Variants in DGKI observed in about 807,000 individuals in gnomAD.
DGKI encodes DAG kinase iota.
In DGKI, 55 loss-of-function variants were observed where a neutral mutation model predicts 147.5. The ratio of observed to expected loss-of-function variants is 0.37; its 90% confidence interval spans 0.30 to 0.47. The LOEUF is 0.47. DGKI is among the 20% of genes least tolerant of loss of function. The pLI is 1.00. For missense variants in DGKI, 1,007 were observed against 1,323.8 expected, an observed-to-expected ratio of 0.76 and a Z score of 3.71; for synonymous variants, 469 against 477.1, an observed-to-expected ratio of 0.98 and a Z score of 0.22.
intron 5 of DGKI, among the ~76,000 whole-genome samples, chr7:137,652,863 C>T (rs893511348): frequency 1.3e-5 from 2 of 152,226 alleles, no homozygotes; most frequent in South Asian, 4.1e-4. Context: ...CCACTCTCCA[C>T]GTTCATCTAT....
intron 12 of DGKI, among the ~76,000 whole-genome samples, chr7:137,590,867 A>AT (rs1819584711): frequency 1.3e-5 from 2 of 152,046 alleles, no homozygotes; most frequent in Non-Finnish European, 1.5e-5. Context: ...TAATTTTTGC[A>AT]TTTTTTGTAG....
At chr7:137,719,924 C>T (rs1794494193) in intron 1 of DGKI, among the ~76,000 whole-genome samples, 2 of 152,126 alleles carry the variant, frequency 1.3e-5, no homozygotes, top group Non-Finnish European at 2.9e-5. Flanking sequence ...CATGGCTGCA[C>T]AGATAAGTGA....
chr7:137,601,581 A>C (rs1353090826), intron 10 of DGKI, among the ~76,000 whole-genome samples: 3 of 152,262 alleles, frequency 2.0e-5, no homozygotes, highest in Non-Finnish European at 4.4e-5. Flanking sequence ...ATAACCTTGC[A>C]GAAATGCAGT....
At chr7:137,391,494 T>C (rs931314264) in intron 32 of DGKI, among the ~76,000 whole-genome samples, 158 bp from the exon 33 acceptor site, 1 of 152,220 alleles carries the variant, frequency 6.6e-6, no homozygotes, top group African/African-American at 2.4e-5. Context: ...TTTGGTGTTT[T>C]AGAGTTTACA....
intron 19 of DGKI, among the ~76,000 whole-genome samples, chr7:137,554,002 GTAGTC>G (rs1818136786): frequency 6.6e-6 from 1 of 152,128 alleles, no homozygotes; most frequent in African/African-American, 2.4e-5. Flanking sequence ...GTCATACACA[GTAGTC>G]TAGACCACTT....
chr7:137,784,497 A>G (rs1563196581), intron 1 of DGKI, among the ~76,000 whole-genome samples: 1 of 152,148 alleles, frequency 6.6e-6, no homozygotes, highest in Non-Finnish European at 1.5e-5. Context: ...GACCTAAGAA[A>G]TGAGATAGAT....
At chr7:137,688,889 C>T (rs1422802436) in intron 2 of DGKI, among the ~76,000 whole-genome samples, 1 of 152,112 alleles carries the variant, frequency 6.6e-6, no homozygotes, top group Non-Finnish European at 1.5e-5. Flanking sequence ...AATATCTCCA[C>T]CAAGGGAGAA....
At chr7:137,613,433 T>C (rs1486191118) in intron 8 of DGKI, among the ~76,000 whole-genome samples, 1 of 152,076 alleles carries the variant, frequency 6.6e-6, no homozygotes, top group Non-Finnish European at 1.5e-5. Context: ...CCAGGCCTAT[T>C]TGACTAAATC....
At chr7:137,425,303 C>G (rs1035778681) in intron 28 of DGKI, among the ~76,000 whole-genome samples, 2 of 152,200 alleles carry the variant, frequency 1.3e-5, no homozygotes, top group Non-Finnish European at 2.9e-5. Context: ...TGGAGTGGAC[C>G]TCTAGCAAAC....
chr7:137,411,637 C>T (rs1031714456), intron 29 of DGKI, among the ~76,000 whole-genome samples: 4 of 152,090 alleles, frequency 2.6e-5, no homozygotes, highest in African/African-American at 9.7e-5. Flanking sequence ...TTACATTCAC[C>T]CTCAGGGCAG....
At chr7:137,396,899 A>G (rs1811574659) in intron 31 of DGKI, among the ~76,000 whole-genome samples, 1 of 152,240 alleles carries the variant, frequency 6.6e-6, no homozygotes, top group Admixed American at 6.5e-5. Flanking sequence ...AAGACAGAAA[A>G]TAGAGTGACT....
At chr7:137,448,019 T>G (rs763469236) in intron 27 of DGKI, among the ~76,000 whole-genome samples, 1 of 152,152 alleles carries the variant, frequency 6.6e-6, no homozygotes, top group Non-Finnish European at 1.5e-5. Flanking sequence ...CCATCATACA[T>G]GAAGAAGAGC....
intron 19 of DGKI, among the ~76,000 whole-genome samples, chr7:137,559,032 G>A (rs531577568): frequency 9.2e-4 from 121 of 131,468 alleles, no homozygotes; most frequent in Non-Finnish European, 1.4e-3. Flanking sequence ...CAGAACTAGC[G>A]TTTTATGATT....
chr7:137,469,146 A>T (rs1814780902), intron 24 of DGKI, among the ~76,000 whole-genome samples: 1 of 152,240 alleles, frequency 6.6e-6, no homozygotes, highest in Admixed American at 6.5e-5. Flanking sequence ...ATCATACTGC[A>T]ATAATGGTCT....
intron 1 of DGKI, among the ~76,000 whole-genome samples, chr7:137,828,777 G>A (rs908306077): frequency 2.0e-5 from 3 of 152,244 alleles, no homozygotes; most frequent in East Asian, 3.9e-4. Context: ...TAGGAATCAG[G>A]GGAGCCACAG....
At chr7:137,562,107 G>A (rs1818437111) in intron 19 of DGKI, among the ~76,000 whole-genome samples, 1 of 152,210 alleles carries the variant, frequency 6.6e-6, no homozygotes, top group Non-Finnish European at 1.5e-5. Context: ...TGGAAAGGGA[G>A]ACAGGTGGGT....
chr7:137,748,231 CACTA>C (rs1795400927), intron 1 of DGKI, among the ~76,000 whole-genome samples: 1 of 151,866 alleles, frequency 6.6e-6, no homozygotes, highest in South Asian at 2.1e-4. Flanking sequence ...ATTTCTTAGT[CACTA>C]ACTATTAAAA....
At chr7:137,454,615 A>G (rs1814111623) in intron 27 of DGKI, 2 of 152,220 alleles carry the variant, frequency 1.3e-5, no homozygotes, top group South Asian at 4.1e-4. Flanking sequence ...AACCCAGCAC[A>G]GTTGTGAAGC....
At chr7:137,708,652 G>A (rs1268829534) in intron 1 of DGKI, among the ~76,000 whole-genome samples, 2 of 152,188 alleles carry the variant, frequency 1.3e-5, no homozygotes, top group Non-Finnish European at 2.9e-5. Flanking sequence ...TGTTTGTATG[G>A]AAGTAAACAA....
Sources: gnomAD v4.1 joint callset for allele counts (sites outside exome capture counted in the v4.1 genomes callset) on GRCh38, gnomAD v4.1.1 for gene constraint, MANE v1.5 for transcripts, NCBI Gene and HGNC (gene_info 2026-07-23, HGNC 2026-07-21) for gene names.